Variants in ROBO1 observed in about 807,000 individuals in gnomAD.
ROBO1 encodes the protein roundabout guidance receptor 1, also known as roundabout homolog 1.
A neutral mutation model predicts 195.9 loss-of-function variants in ROBO1; 149 were observed. That is an observed-to-expected ratio of 0.76 (90% CI 0.67 to 0.87). The LOEUF (loss-of-function observed/expected upper bound fraction) is 0.87, where lower values mean the gene tolerates loss of function less well. Among genes scored for constraint, ROBO1 ranks in the 40% least tolerant of loss-of-function variants. The probability of loss-of-function intolerance (pLI) is 0.00; values close to 1 mark genes in which losing one functional copy is unlikely to be tolerated. For synonymous variants in ROBO1, 816 were observed against 733.2 expected, an observed-to-expected ratio of 1.11 and a Z score of -1.82; for missense variants, 1,933 against 2,068.3, an observed-to-expected ratio of 0.93 and a Z score of 1.27.
intron 2 of ROBO1, among the ~76,000 whole-genome samples, chr3:79,348,361 T>C (rs965036384): frequency 2.0e-5 from 3 of 152,142 alleles, no homozygotes; most frequent in Admixed American, 1.3e-4. Flanking sequence ...ATGGCCAAAG[T>C]TGATGGCCAA....
chr3:79,506,511 C>G (rs1244208174), intron 2 of ROBO1, among the ~76,000 whole-genome samples: 1 of 151,662 alleles, frequency 6.6e-6, no homozygotes, highest in South Asian at 2.1e-4. Context: ...CTGGAAGGAT[C>G]TCGGCTCTCT....
intron 4 of ROBO1, among the ~76,000 whole-genome samples, chr3:78,860,463 A>C (rs1351579620): frequency 6.6e-6 from 1 of 151,532 alleles, no homozygotes; most frequent in African/African-American, 2.4e-5. Flanking sequence ...GGAAACATGG[A>C]TTTTTCCCTC....
chr3:78,839,358 T>C (rs2033004140), intron 4 of ROBO1, among the ~76,000 whole-genome samples: 1 of 152,064 alleles, frequency 6.6e-6, no homozygotes, highest in South Asian at 2.1e-4. Context: ...ATAGTGATGA[T>C]AGGTGGCCTT....
chr3:79,164,624 C>T (rs562649291), intron 2 of ROBO1, among the ~76,000 whole-genome samples: 21 of 152,220 alleles, frequency 1.4e-4, no homozygotes, highest in African/African-American at 4.6e-4. Context: ...TTAATCATTT[C>T]ATTAAAATAG....
intron 2 of ROBO1, among the ~76,000 whole-genome samples, chr3:79,140,429 T>C (rs1013654403): frequency 1.3e-5 from 2 of 152,142 alleles, no homozygotes; most frequent in Non-Finnish European, 2.9e-5. Context: ...TTCATTTATT[T>C]ATATATTATT....
chr3:78,858,051 C>T (rs988984525), intron 4 of ROBO1, among the ~76,000 whole-genome samples: 5 of 152,080 alleles, frequency 3.3e-5, no homozygotes, highest in African/African-American at 1.2e-4. Context: ...TATCGGATGC[C>T]TCCAGCTCCC....
chr3:79,188,156 A>C (rs192293315), intron 2 of ROBO1, among the ~76,000 whole-genome samples: 1 of 151,946 alleles, frequency 6.6e-6, no homozygotes, highest in African/African-American at 2.4e-5. Flanking sequence ...GTGTACATAA[A>C]CAAGTGTTAG....
At chr3:78,657,945 T>A (rs780437054) in intron 17 of ROBO1, among the ~76,000 whole-genome samples, 3 of 152,242 alleles carry the variant, frequency 2.0e-5, no homozygotes, top group Non-Finnish European at 4.4e-5. Context: ...AACTATATTA[T>A]CAATGAGAGA....
chr3:79,241,829 T>C (rs1284806756), intron 2 of ROBO1, among the ~76,000 whole-genome samples: 3 of 151,778 alleles, frequency 2.0e-5, no homozygotes, highest in Non-Finnish European at 2.9e-5. Context: ...AGATTTAGAG[T>C]AATGATGCAA....
chr3:78,711,333 T>C, intron 8 of ROBO1, among the ~76,000 whole-genome samples: 1 of 116,364 alleles, frequency 8.6e-6, no homozygotes, highest in African/African-American at 3.7e-5. Context: ...CTCTCCTTCC[T>C]TCCTTCCTTC....
chr3:79,168,756 A>G (rs2081115163), intron 2 of ROBO1, among the ~76,000 whole-genome samples: 1 of 152,186 alleles, frequency 6.6e-6, no homozygotes, highest in Admixed American at 6.6e-5. Context: ...AGCTTAAAAT[A>G]CAGGAGTAGA....
Position 78,791,212 on chromosome 3 carries a change from G to A in ROBO1, c.500-44312C>T, listed in dbSNP as rs546707774. Among the ~76,000 whole-genome samples, 9 of 152,050 alleles carry A rather than the reference G, an allele frequency of 5.9e-5. 2 individuals carry two copies. Among genetic ancestry groups the A allele is most frequent in the Non-Finnish European group, 1.2e-4 (8 of 68,020 alleles). ...TCCTATTGCCATGCTTGCTTCCTAC[G>A]TGTTGTTGTCATAGGTACACTATAG... is the stretch of plus-strand genomic sequence containing the variant. On this transcript the variant is annotated intron_variant, in intron 4 of 30. Transcript: ENST00000464233.
chr3:79,744,947 G>A (rs193284527), intron 1 of ROBO1, among the ~76,000 whole-genome samples: 74 of 151,940 alleles, frequency 4.9e-4, no homozygotes, highest in Non-Finnish European at 3.2e-4. Context: ...TATTCTAAAA[G>A]TGAATGCTTT....
At chr3:79,039,118 T>G (rs2078434411) in intron 3 of ROBO1, among the ~76,000 whole-genome samples, 1 of 152,194 alleles carries the variant, frequency 6.6e-6, no homozygotes, top group African/African-American at 2.4e-5. Flanking sequence ...CAGAAATAAC[T>G]TTGTTCTGAT....
intron 3 of ROBO1, among the ~76,000 whole-genome samples, chr3:78,986,449 C>T (rs2108023787): frequency 6.6e-6 from 1 of 151,456 alleles, no homozygotes; most frequent in South Asian, 2.1e-4. Context: ...CTGGCCAAAT[C>T]CCAACTCTCA....
intron 4 of ROBO1, among the ~76,000 whole-genome samples, chr3:78,768,341 T>G: frequency 6.6e-6 from 1 of 152,046 alleles, no homozygotes; most frequent in Admixed American, 6.5e-5. Flanking sequence ...TTTTTTACTT[T>G]GAAAAATTTT....
chr3:78,998,546 A>G (rs1440987514), intron 3 of ROBO1, among the ~76,000 whole-genome samples: 1 of 152,160 alleles, frequency 6.6e-6, no homozygotes, highest in African/African-American at 2.4e-5. Flanking sequence ...AGTCAACCTA[A>G]GTGCAATTCC....
chr3:79,017,925 C>T (rs2077991733), intron 3 of ROBO1, among the ~76,000 whole-genome samples: 2 of 152,108 alleles, frequency 1.3e-5, no homozygotes, highest in Admixed American at 1.3e-4. Flanking sequence ...TACTAATAAC[C>T]CCTTGTGCTC....
intron 5 of ROBO1, among the ~76,000 whole-genome samples, chr3:78,741,395 A>G (rs1451977995): frequency 6.6e-6 from 1 of 152,236 alleles, no homozygotes; most frequent in Non-Finnish European, 1.5e-5. Flanking sequence ...GAAAACAAAC[A>G]TAGAATAAGT....
Sources: allele counts gnomAD v4.1 joint callset (sites outside exome capture counted in the v4.1 genomes callset), GRCh38; gene constraint gnomAD v4.1.1; transcripts MANE v1.5; gene names NCBI Gene and HGNC (gene_info 2026-07-23, HGNC 2026-07-21).